The following RHCE variants were observed in gnomAD, a reference collection of about 807,000 sequenced individuals.
The protein encoded by RHCE is Rh blood group CcEe antigens, also known as blood group Rh(CE) polypeptide.
RHCE carries 22 observed loss-of-function variants against 43.8 expected under a neutral mutation model. That is an observed-to-expected ratio of 0.50 (90% CI 0.36 to 0.72). The LOEUF is 0.72. Among genes scored for constraint, RHCE ranks in the 30% least tolerant of loss-of-function variants. RHCE has a pLI of 0.00. For missense variants in RHCE, 385 were observed against 525.4 expected, an observed-to-expected ratio of 0.73 and a Z score of 2.61; for synonymous variants, 156 against 210.7, an observed-to-expected ratio of 0.74 and a Z score of 2.25.
intron 3 of RHCE, among the ~76,000 whole-genome samples, chr1:25,400,947 C>T (rs660129): frequency 0.59 from 90,334 of 152,020 alleles, 28,435 homozygotes; most frequent in African/African-American, 0.8. Context: ...TTCCCACCAC[C>T]CTCACAGCTA....
chr1:25,422,386 CTT>C (rs1480554081), upstream of RHCE, among the ~76,000 whole-genome samples: 1 of 152,124 alleles, frequency 6.6e-6, no homozygotes, highest in African/African-American at 2.4e-5. Flanking sequence ...TATTCCCACT[CTT>C]ATAAAATAAT....
chr1:25,380,951 G>C (rs1645977606), intron 7 of RHCE, among the ~76,000 whole-genome samples: 1 of 148,072 alleles, frequency 6.8e-6, no homozygotes, highest in South Asian at 2.1e-4. Flanking sequence ...GCCCAGGCTG[G>C]AGTGCAGTGG....
rs1484882530 is a variant in RHCE at position 25,407,205 on chromosome 1, G to A, written c.335+1478C>T. Among the ~76,000 whole-genome samples, 2 of 122,866 alleles carry A rather than the reference G, an allele frequency of 1.6e-5. 1 individual carries two copies. Among genetic ancestry groups the A allele is most frequent in the African/African-American group, 5.0e-5 (2 of 39,756 alleles). 80.6% of individuals were successfully genotyped at this position (122,866 alleles called of 152,430 possible). A position where few individuals can be genotyped will look rare whatever the true frequency, so the allele number is the denominator to read the frequency against. On this transcript the variant is annotated intron_variant, in intron 2 of 9. Coordinates refer to ENST00000294413, the MANE Select transcript of RHCE (RefSeq NM_020485.8). ...CCAAAAGTACTGGGATTACAGGCGT[G>A]AACCACCATGCCCAGCCTCTAAACC...
chr1:25,395,372 A>G (rs892716892), intron 3 of RHCE, among the ~76,000 whole-genome samples: 3 of 152,140 alleles, frequency 2.0e-5, no homozygotes, highest in African/African-American at 7.2e-5. Context: ...CGCTAAAGAG[A>G]AAGCTGGTGT....
intron 1 of RHCE, among the ~76,000 whole-genome samples, chr1:25,413,418 CT>C (rs1647162179): frequency 1.3e-5 from 2 of 152,140 alleles, no homozygotes; most frequent in Admixed American, 1.3e-4. Flanking sequence ...CTCTCACAGT[CT>C]GCTCTGCACT....
chr1:25,376,496 T>C (rs1645791214), intron 7 of RHCE, among the ~76,000 whole-genome samples: 1 of 152,236 alleles, frequency 6.6e-6, no homozygotes, highest in Non-Finnish European at 1.5e-5. Context: ...ACCTTGTATG[T>C]CATTTGGTTA....
At chr1:25,380,169 A>C (rs1645949756) in intron 7 of RHCE, among the ~76,000 whole-genome samples, 1 of 142,828 alleles carries the variant, frequency 7.0e-6, no homozygotes, top group East Asian at 2.0e-4. Flanking sequence ...TAGGACAGAC[A>C]TTCCCATTCT....
intron 7 of RHCE, among the ~76,000 whole-genome samples, chr1:25,375,659 A>C (rs1358110759): frequency 6.8e-6 from 1 of 147,730 alleles, no homozygotes; most frequent in Non-Finnish European, 1.5e-5. Context: ...TTTAGTTCCC[A>C]GCACCTCATG....
intron 3 of RHCE, among the ~76,000 whole-genome samples, chr1:25,401,806 C>T (rs1238175355): frequency 2.0e-5 from 3 of 152,190 alleles, no homozygotes; most frequent in Non-Finnish European, 4.4e-5. Context: ...TGTGTTTAAA[C>T]ATTTGCACAG....
intron 2 of RHCE, among the ~76,000 whole-genome samples, chr1:25,405,177 G>C (rs1646878095): frequency 6.6e-6 from 1 of 152,062 alleles, no homozygotes; most frequent in Admixed American, 6.6e-5. Flanking sequence ...GAGCAACACA[G>C]TGAGGTCCTG....
At chr1:25,386,842 AAC>A (rs3079633) in intron 6 of RHCE, among the ~76,000 whole-genome samples, 1,903 of 138,464 alleles carry the variant, frequency 0.014, 23 homozygotes, top group South Asian at 0.054. Context: ...ACAACAACAA[AAC>A]ACACACACAC....
At chr1:25,416,628 T>G (rs980376304) in intron 1 of RHCE, among the ~76,000 whole-genome samples, 1 of 152,074 alleles carries the variant, frequency 6.6e-6, no homozygotes, top group African/African-American at 2.4e-5. Flanking sequence ...TATTTTCATT[T>G]TTTTTTGAGA....
chr1:25,416,363 A>C (rs964741351), intron 1 of RHCE, among the ~76,000 whole-genome samples: 1 of 151,758 alleles, frequency 6.6e-6, no homozygotes, highest in African/African-American at 2.4e-5. Context: ...TCCTGGGTTC[A>C]CGCCATTCTC....
At chr1:25,366,552 A>AT (rs1295702528) in intron 9 of RHCE, among the ~76,000 whole-genome samples, 2 of 18,092 alleles carry the variant, frequency 1.1e-4, no homozygotes, top group East Asian at 1.6e-3. Context: ...CGCCTGTCTA[A>AT]TTTTTTTTTG....
At chr1:25,400,843 C>A (rs1646715416) in intron 3 of RHCE, among the ~76,000 whole-genome samples, 1 of 152,202 alleles carries the variant, frequency 6.6e-6, no homozygotes, top group East Asian at 1.9e-4. Context: ...CAGATGAGAA[C>A]CTTGAAGTCA....
chr1:25,379,495 A>ATATTT (rs1645925923), intron 7 of RHCE, among the ~76,000 whole-genome samples: 1 of 27,094 alleles, frequency 3.7e-5, no homozygotes, highest in Non-Finnish European at 5.7e-5. Context: ...ATATATATAT[A>ATATTT]TTTTTTTTTT....
chr1:25,406,910 C>T (rs142073849), intron 2 of RHCE, among the ~76,000 whole-genome samples: 7,120 of 120,722 alleles, frequency 0.059, 1,178 homozygotes, highest in African/African-American at 0.16. Context: ...CAGGCATGAG[C>T]CACCGCGCCC....
At chr1:25,371,561 C>T (rs1419563036) in intron 8 of RHCE, among the ~76,000 whole-genome samples, 1 of 150,798 alleles carries the variant, frequency 6.6e-6, no homozygotes, top group African/African-American at 2.5e-5. Context: ...TTTGCAGAGA[C>T]GGGGTTTAGC....
chr1:25,411,265 A>C, intron 1 of RHCE: 1 of 1,535,996 alleles, frequency 6.5e-7, no homozygotes. Flanking sequence ...TACAGTGCCT[A>C]GCACATGGAG....
Sources: gnomAD v4.1 joint callset for allele counts (sites outside exome capture counted in the v4.1 genomes callset) on GRCh38, gnomAD v4.1.1 for gene constraint, MANE v1.5 for transcripts, NCBI Gene and HGNC (gene_info 2026-07-23, HGNC 2026-07-21) for gene names.